Variants in CNOT6 observed in about 807,000 individuals in gnomAD.
CNOT6 encodes carbon catabolite repression 4 protein.
Under a neutral mutation model 61.2 loss-of-function variants are expected in CNOT6, and 12 were observed. That is an observed-to-expected ratio of 0.20 (90% CI 0.13 to 0.32). CNOT6 has a LOEUF of 0.32. CNOT6 is among the 10% of genes least tolerant of loss of function. CNOT6 has a pLI of 1.00. For missense variants in CNOT6, 405 were observed against 663.9 expected, an observed-to-expected ratio of 0.61 and a Z score of 4.28; for synonymous variants, 225 against 240.6, an observed-to-expected ratio of 0.94 and a Z score of 0.60.
chr5:180,562,746 A>T (rs1001005403), intron 4 of CNOT6, among the ~76,000 whole-genome samples: 2 of 152,188 alleles, frequency 1.3e-5, no homozygotes, highest in African/African-American at 4.8e-5. Context: ...TCTCAAAAAA[A>T]AAATAAGAAA....
intron 2 of CNOT6, among the ~76,000 whole-genome samples, chr5:180,538,717 CAA>C (rs1758856834): frequency 8.7e-6 from 1 of 114,874 alleles, no homozygotes. Context: ...TATATATATA[CAA>C]AAAAATTAGC....
In CNOT6 at chr5:180,529,322, A is replaced by G; in HGVS notation, c.46A>G (p.Thr16Ala). ...YEPPDPRRMY[T>A]IMSSEEAANG... Reference sequence around the variant, plus strand: ...GCCCCCTGACCCTCGGAGGATGTATACAATTATGTCTTCTGAGGAAGCAGC... The same window carrying G: ...GCCCCCTGACCCTCGGAGGATGTATGCAATTATGTCTTCTGAGGAAGCAGC... Residue 16 changes from threonine to alanine, a missense_variant, in exon 2 of 12, where the codon ACA becomes GCA. Physicochemically the swap from Thr to Ala is moderately conservative, Grantham distance 58 (BLOSUM62 0). Coordinates refer to ENST00000261951, the MANE Select transcript of CNOT6 (RefSeq NM_001370472.1). The G allele has an allele frequency of 6.2e-7, 1 of 1,613,872 alleles. No individual in the cohort carries two copies. Among genetic ancestry groups the G allele is most frequent in the Non-Finnish European group, 8.5e-7 (1 of 1,179,824 alleles).
intron 10 of CNOT6, among the ~76,000 whole-genome samples, chr5:180,569,885 C>T (rs184259091): frequency 7.9e-5 from 12 of 152,248 alleles, no homozygotes; most frequent in African/African-American, 1.9e-4. Flanking sequence ...GCGCTCTTTC[C>T]GTGGATAGTA....
intron 1 of CNOT6, among the ~76,000 whole-genome samples, chr5:180,525,276 C>T (rs1361794209): frequency 6.6e-6 from 1 of 152,146 alleles, no homozygotes; most frequent in African/African-American, 2.4e-5. Flanking sequence ...GTGGCTCATG[C>T]CTCTAATCTT....
At chr5:180,498,043 C>CAAA (rs113013152) in intron 1 of CNOT6, among the ~76,000 whole-genome samples, 1 of 91,914 alleles carries the variant, frequency 1.1e-5, no homozygotes. Flanking sequence ...AACTCCATCT[C>CAAA]AAAAAAAAAA....
chr5:180,498,801 CT>C (rs1341294032), intron 1 of CNOT6, among the ~76,000 whole-genome samples: 1 of 152,082 alleles, frequency 6.6e-6, no homozygotes, highest in African/African-American at 2.4e-5. Context: ...GACTTTGAAT[CT>C]GTTTTCTTCT....
intron 4 of CNOT6, among the ~76,000 whole-genome samples, chr5:180,563,748 G>T (rs1396432509): frequency 6.6e-6 from 1 of 152,164 alleles, no homozygotes; most frequent in African/African-American, 2.4e-5. Flanking sequence ...TGTGTAGGAT[G>T]GATAGGAACT....
chr5:180,545,047 TAAGTA>T (rs1759244464), intron 2 of CNOT6, among the ~76,000 whole-genome samples: 1 of 152,246 alleles, frequency 6.6e-6, no homozygotes, highest in African/African-American at 2.4e-5. Context: ...AATGGAAAAT[TAAGTA>T]AATAAAATTT....
intron 1 of CNOT6, among the ~76,000 whole-genome samples, chr5:180,527,634 G>C (rs1385713127): frequency 1.3e-5 from 2 of 152,132 alleles, no homozygotes; most frequent in Non-Finnish European, 2.9e-5. Flanking sequence ...CTTTGTTGGT[G>C]AGGGGTCAAG....
intron 1 of CNOT6, among the ~76,000 whole-genome samples, chr5:180,495,944 C>T (rs953218613): frequency 2.6e-5 from 4 of 152,196 alleles, no homozygotes; most frequent in African/African-American, 9.7e-5. Flanking sequence ...CAGGATCTCA[C>T]TCTGTCACCC....
intron 1 of CNOT6, among the ~76,000 whole-genome samples, chr5:180,499,429 G>A (rs11249715): frequency 6.6e-6 from 1 of 152,030 alleles, no homozygotes; most frequent in African/African-American, 2.4e-5. Context: ...TAAACATTTT[G>A]TGAAATTTTG....
At chr5:180,514,409 G>GA (rs1421760889) in intron 1 of CNOT6, among the ~76,000 whole-genome samples, 1 of 152,196 alleles carries the variant, frequency 6.6e-6, no homozygotes, top group Admixed American at 6.5e-5. Flanking sequence ...GCGAAAGAGC[G>GA]AAACTCCATC....
chr5:180,503,906 C>G (rs937459352), intron 1 of CNOT6, among the ~76,000 whole-genome samples: 1 of 152,088 alleles, frequency 6.6e-6, no homozygotes, highest in African/African-American at 2.4e-5. Context: ...CGCCTGGCCC[C>G]TTTTTCTTCT....
chr5:180,517,733 G>T (rs1329164991), intron 1 of CNOT6, among the ~76,000 whole-genome samples: 1 of 151,982 alleles, frequency 6.6e-6, no homozygotes, highest in Non-Finnish European at 1.5e-5. Flanking sequence ...TAGTGGAGAT[G>T]GGGTTTCACC....
Position 180,573,994 on chromosome 5 carries a change from A to G in CNOT6, c.1468A>G (p.Ile490Val), listed in dbSNP as rs1350565474. The G allele has an allele frequency of 1.2e-6, 2 of 1,610,568 alleles. No individual in the cohort carries two copies. The highest frequency in any genetic ancestry group is 1.7e-6 in the Non-Finnish European group (2 of 1,176,866). ...TNYTFDFKGI[I>V]DYIFYSKPQL... ...TTTTTCTGTTGTTTTTCAGGGTATA[A>G]TAGACTACATTTTCTATTCTAAACC... Residue 490 changes from isoleucine (I) to valine (V), a missense_variant, in exon 12 of 12, where the codon ATA becomes GTA. This residue lies in a region of CNOT6 where 1 missense variants were observed against 17.5 expected (regional missense o/e 0.06). Coordinates refer to ENST00000261951, the MANE Select transcript of CNOT6 (RefSeq NM_001370472.1).
chr5:180,541,673 C>T (rs1214890935), intron 2 of CNOT6, among the ~76,000 whole-genome samples: 3 of 151,624 alleles, frequency 2.0e-5, no homozygotes, highest in African/African-American at 7.3e-5. Context: ...AGGATGGTCT[C>T]GATCTCCTGA....
intron 2 of CNOT6, among the ~76,000 whole-genome samples, chr5:180,529,645 A>G (rs1758259763): frequency 6.6e-6 from 1 of 152,262 alleles, no homozygotes; most frequent in Non-Finnish European, 1.5e-5. Flanking sequence ...ACATAAATGT[A>G]AAATAATAAC....
At chr5:180,549,168 G>T (rs1160818117) in intron 2 of CNOT6, among the ~76,000 whole-genome samples, 2 of 152,140 alleles carry the variant, frequency 1.3e-5, no homozygotes, top group East Asian at 3.8e-4. Flanking sequence ...TTAAAACTCA[G>T]CTAAGAGTAC....
intron 11 of CNOT6, among the ~76,000 whole-genome samples, chr5:180,571,873 T>C (rs1048867066): frequency 6.6e-6 from 1 of 152,082 alleles, no homozygotes; most frequent in Non-Finnish European, 1.5e-5. Flanking sequence ...AGTAATATTC[T>C]TTTATTACTC....
Sources: allele counts gnomAD v4.1 joint callset (sites outside exome capture counted in the v4.1 genomes callset), GRCh38; gene constraint gnomAD v4.1.1; regional missense constraint gnomAD v4.1.1; transcripts MANE v1.5; gene names NCBI Gene and HGNC (gene_info 2026-07-23, HGNC 2026-07-21).